The following ZFP1 variants were observed in gnomAD, a reference collection of about 807,000 sequenced individuals.
ZFP1 encodes the protein ZFP1 zinc finger protein, also known as zinc finger protein 1 homolog.
Under a neutral mutation model 38.5 loss-of-function variants are expected in ZFP1, and 32 were observed. The ratio of observed to expected loss-of-function variants is 0.83; its 90% CI spans 0.63 to 1.12. The LOEUF (loss-of-function observed/expected upper bound fraction) is 1.12, where lower values mean the gene tolerates loss of function less well. ZFP1 is among the 50% of genes most tolerant of loss of function. The pLI, the probability that ZFP1 is intolerant of heterozygous loss-of-function variation, is 0.00. For missense variants in ZFP1, 616 were observed against 480.8 expected, an observed-to-expected ratio of 1.28 and a Z score of -2.63; for synonymous variants, 245 against 168.8, an observed-to-expected ratio of 1.45 and a Z score of -3.50.
intron 2 of ZFP1, chr16:75,166,415 G>C: frequency 3.0e-6 from 1 of 331,452 alleles, no homozygotes; most frequent in Non-Finnish European, 4.3e-6. Flanking sequence ...TAGTAGAGAT[G>C]GGATTTCACC....
chr16:75,138,024 C>CTTTTTTTTTTT, the ZFP1 span, among the ~76,000 whole-genome samples: 8 of 64,974 alleles, frequency 1.2e-4, 1 homozygote, highest in African/African-American at 5.2e-4. Context: ...CTCCCACTTC[C>CTTTTTTTTTTT]TTTTTTTTTT....
At chr16:75,122,619 A>G in the ZFP1 span, among the ~76,000 whole-genome samples, 1 of 152,272 alleles carries the variant, frequency 6.6e-6, no homozygotes. Flanking sequence ...AATAAATAAG[A>G]CATTAATATT....
At chr16:75,126,808 G>T in the ZFP1 span, among the ~76,000 whole-genome samples, 1 of 152,146 alleles carries the variant, frequency 6.6e-6, no homozygotes, top group Non-Finnish European at 1.5e-5. Flanking sequence ...TATAAATTAT[G>T]TTTTTTTCTG....
At chr16:75,150,207 A>ATT (rs1212825562) in intron 1 of ZFP1, among the ~76,000 whole-genome samples, 2 of 110,718 alleles carry the variant, frequency 1.8e-5, no homozygotes, top group African/African-American at 7.2e-5. Context: ...GATTTTCCAG[A>ATT]TCTTTTTTTT....
chr16:75,119,362 T>C, the ZFP1 span, among the ~76,000 whole-genome samples: 5 of 152,142 alleles, frequency 3.3e-5, no homozygotes, highest in African/African-American at 9.7e-5. Context: ...TTTCAAAATC[T>C]GGTCAAGATC....
At chr16:75,130,447 G>A in the ZFP1 span, among the ~76,000 whole-genome samples, 5 of 152,074 alleles carry the variant, frequency 3.3e-5, no homozygotes, top group Non-Finnish European at 7.4e-5. Context: ...GGCCTTGTAC[G>A]CATGCTGACT....
At chr16:75,150,209 CTTTTTT>C (rs35346527) in intron 1 of ZFP1, among the ~76,000 whole-genome samples, 1 of 100,232 alleles carries the variant, frequency 1.0e-5, no homozygotes, top group African/African-American at 3.7e-5. Flanking sequence ...TTTTCCAGAT[CTTTTTT>C]TTTTTTTTTT....
At chr16:75,167,353 A>G (rs140465474) in intron 3 of ZFP1, among the ~76,000 whole-genome samples, 21 of 151,964 alleles carry the variant, frequency 1.4e-4, no homozygotes, top group South Asian at 6.2e-4. Flanking sequence ...CTGTACCTCA[A>G]TCTCTGAAGC....
chr16:75,155,339 G>A (rs751152002), intron 2 of ZFP1, among the ~76,000 whole-genome samples: 8 of 152,088 alleles, frequency 5.3e-5, no homozygotes, highest in Non-Finnish European at 8.8e-5. Context: ...TTGCCCTGTC[G>A]CTCAGGCTCA....
chr16:75,128,073 G>A, the ZFP1 span: 6 of 152,156 alleles, frequency 3.9e-5, no homozygotes, highest in East Asian at 3.8e-4. Flanking sequence ...TGACCAGAAC[G>A]GTGTGCTTTC....
the ZFP1 span, among the ~76,000 whole-genome samples, chr16:75,130,347 C>T: frequency 1.1e-4 from 16 of 152,206 alleles, 2 homozygotes; most frequent in South Asian, 6.2e-4. Flanking sequence ...GTCTTGCAGC[C>T]CTTCTCCCCT....
chr16:75,160,710 G>A (rs1216633617), intron 2 of ZFP1, among the ~76,000 whole-genome samples: 4 of 151,618 alleles, frequency 2.6e-5, no homozygotes, highest in African/African-American at 9.7e-5. Context: ...TCTAGAAGCT[G>A]AGAGTCCAAG....
At chr16:75,163,143 G>T (rs920706216) in intron 2 of ZFP1, among the ~76,000 whole-genome samples, 11 of 151,560 alleles carry the variant, frequency 7.3e-5, no homozygotes, top group Admixed American at 7.2e-4. Flanking sequence ...TCCTGACCTC[G>T]TGATCCACCT....
Position 75,169,601 on chromosome 16 carries a change from C to A in ZFP1, c.491C>A (p.Ala164Asp), listed in dbSNP as rs773295525. 2.5e-5 allele frequency: 40 copies of A among 1,595,492 alleles called. No homozygotes were observed. The highest frequency in any genetic ancestry group is 3.4e-5 in the Non-Finnish European group (40 of 1,175,002). ...TCTGAATACAATAAAAGTGGAAAAG[C>A]CCTCAGCCATAAAGCAGCCATTTTT... ...EYSEYNKSGK[A>D]LSHKAAIFKH... The change falls in exon 4 of 4, where the codon GCC becomes GAC. Residue 164 changes from alanine to aspartate, a missense_variant. Coordinates refer to ENST00000570010, the MANE Select transcript of ZFP1 (RefSeq NM_153688.4).
chr16:75,136,919 T>C, the ZFP1 span, among the ~76,000 whole-genome samples: 1 of 152,096 alleles, frequency 6.6e-6, no homozygotes, highest in Non-Finnish European at 1.5e-5. Flanking sequence ...TAGATATATG[T>C]ATATGCACAC....
At chr16:75,163,067 G>C (rs868384169) in intron 2 of ZFP1, among the ~76,000 whole-genome samples, 1 of 151,770 alleles carries the variant, frequency 6.6e-6, no homozygotes. Context: ...CCACCACCAC[G>C]TCCGGCTAAT....
the ZFP1 span, among the ~76,000 whole-genome samples, chr16:75,137,127 G>C: frequency 1.3e-5 from 2 of 152,228 alleles, no homozygotes; most frequent in Admixed American, 6.5e-5. Flanking sequence ...GATGGCCCTG[G>C]ATTATCTTGT....
At chr16:75,152,472 G>A (rs956054370) in intron 1 of ZFP1, among the ~76,000 whole-genome samples, 8 of 152,234 alleles carry the variant, frequency 5.3e-5, no homozygotes, top group African/African-American at 1.7e-4. Flanking sequence ...TAATGAACCT[G>A]CTGAAAGATC....
chr16:75,158,812 C>T (rs970884616), intron 2 of ZFP1, among the ~76,000 whole-genome samples: 3 of 151,306 alleles, frequency 2.0e-5, no homozygotes, highest in East Asian at 1.9e-4. Context: ...CTTTACAGTT[C>T]GTCTGAAGTG....
Sources: gnomAD v4.1 joint callset for allele counts (sites outside exome capture counted in the v4.1 genomes callset) on GRCh38, gnomAD v4.1.1 for gene constraint, MANE v1.5 for transcripts, NCBI Gene and HGNC (gene_info 2026-07-23, HGNC 2026-07-21) for gene names.